Variants in ATP11B observed in about 807,000 individuals in gnomAD.
The protein encoded by ATP11B is ATPase phospholipid transporting 11B (putative), also known as phospholipid-transporting ATPase IF.
In ATP11B, 81 loss-of-function variants were observed where a neutral mutation model predicts 157.8. That is an observed-to-expected ratio of 0.51 (90% CI 0.43 to 0.62). The LOEUF (loss-of-function observed/expected upper bound fraction) is 0.62, where lower values mean the gene tolerates loss of function less well. ATP11B is among the 20% of genes least tolerant of loss of function. The pLI, the probability that ATP11B is intolerant of heterozygous loss-of-function variation, is 0.00. For synonymous variants in ATP11B, 451 were observed against 469.4 expected (o/e 0.96, Z 0.51); for missense variants, 1,165 against 1,402.2 (o/e 0.83, Z 2.70).
chr3:182,813,309 G>A (rs1716780648), intron 1 of ATP11B, among the ~76,000 whole-genome samples: 1 of 152,132 alleles, frequency 6.6e-6, no homozygotes, highest in African/African-American at 2.4e-5. Flanking sequence ...TTCCACAGTA[G>A]CTTCACCATT....
rs572306581 is a variant in ATP11B, at chr3:182,837,206, A to G, written c.656+32A>G. 7.7e-5 allele frequency: 111 copies of G among 1,448,276 alleles called. No individual in the cohort carries two copies. The South Asian group carries it at 1.3e-3, about 17-fold the overall frequency. 89.7% of individuals were successfully genotyped at this position (1,448,276 alleles called of 1,614,324 possible). A position where few individuals can be genotyped will look rare whatever the true frequency, so the allele number is the denominator to read the frequency against. ...TGTGATATTCAGTATACTTATTTTA[A>G]GTCCTATTTACAGACCTCATTTTTA... On this transcript the variant is annotated intron_variant, in intron 7 of 29. Transcript: ENST00000323116.
intron 28 of ATP11B, among the ~76,000 whole-genome samples, chr3:182,910,065 G>A (rs1221325713): frequency 1.5e-4 from 17 of 110,100 alleles, no homozygotes; most frequent in Admixed American, 3.2e-4. Context: ...AGTGAGACTC[G>A]GCCTCCAGAA....
intron 12 of ATP11B, among the ~76,000 whole-genome samples, chr3:182,860,857 C>G (rs144734458): frequency 0.01 from 1,544 of 151,966 alleles, 13 homozygotes; most frequent in Non-Finnish European, 0.014. Flanking sequence ...ATTCTTTTAC[C>G]TCCCCGAGGA....
At chr3:182,846,521 A>C (rs560787037) in intron 9 of ATP11B, among the ~76,000 whole-genome samples, 13 of 152,364 alleles carry the variant, frequency 8.5e-5, no homozygotes, top group African/African-American at 2.9e-4. Context: ...AACTTCTACA[A>C]GAATGTTCAT....
At chr3:182,900,506 T>C (rs1262503383) in intron 28 of ATP11B, among the ~76,000 whole-genome samples, 1 of 152,186 alleles carries the variant, frequency 6.6e-6, no homozygotes, top group Non-Finnish European at 1.5e-5. Context: ...TCCATGCGTA[T>C]ATATTTATAT....
chr3:182,805,847 T>G (rs766035412), intron 1 of ATP11B, among the ~76,000 whole-genome samples: 18 of 152,166 alleles, frequency 1.2e-4, no homozygotes, highest in Non-Finnish European at 2.6e-4. Context: ...TATAAGACCT[T>G]TATGAGATGT....
intron 4 of ATP11B, among the ~76,000 whole-genome samples, chr3:182,832,540 T>G (rs1279463312): frequency 6.6e-6 from 1 of 152,200 alleles, no homozygotes; most frequent in Non-Finnish European, 1.5e-5. Flanking sequence ...AAAGTGAAAG[T>G]TGCCATGTTC....
rs764077740 is a variant in ATP11B, at chr3:182,913,880, G to A, written c.3338G>A (p.Gly1113Asp). ...EKAQLTETNA[G>D]IKCLDSMCCF... is the part of the protein sequence containing the mutation. ...CCGCAGCTTACTGAAACAAATGCAG[G>A]TATCAAGTGCTTGGACTCCATGTGC... The change falls in exon 29 of 30, where the codon GGT becomes GAT. Residue 1113 changes from glycine (G) to aspartate (D), a missense_variant. By Grantham distance (94) the Gly-to-Asp change is moderately conservative. Coordinates refer to ENST00000323116, the MANE Select transcript of ATP11B (RefSeq NM_014616.3). 6.2e-7 allele frequency: 1 copy of A among 1,614,126 alleles called. No individual in the cohort carries two copies. The highest frequency in any genetic ancestry group is 8.5e-7 in the Non-Finnish European group (1 of 1,179,960).
At chr3:182,892,752 A>G (rs1723260316) in intron 25 of ATP11B, among the ~76,000 whole-genome samples, 2 of 152,098 alleles carry the variant, frequency 1.3e-5, no homozygotes, top group African/African-American at 4.8e-5. Flanking sequence ...GTCTTGATCA[A>G]TTTTCTCTAA....
chr3:182,853,482 T>C (rs1313032363), intron 10 of ATP11B, among the ~76,000 whole-genome samples: 2 of 152,176 alleles, frequency 1.3e-5, no homozygotes, highest in Non-Finnish European at 2.9e-5. Flanking sequence ...TGTGAGCCAC[T>C]GTGCCCGGCC....
intron 2 of ATP11B, 75 bp downstream of exon 2, chr3:182,820,451 A>T: frequency 6.1e-6 from 6 of 990,054 alleles, no homozygotes; most frequent in Middle Eastern, 2.1e-4. Flanking sequence ...TGGGAGGCCA[A>T]GGCGAGAGGA....
At chr3:182,795,076 C>A (rs1715517164) in intron 1 of ATP11B, among the ~76,000 whole-genome samples, 1 of 152,106 alleles carries the variant, frequency 6.6e-6, no homozygotes, top group Non-Finnish European at 1.5e-5. Flanking sequence ...CCTACCACTC[C>A]CTCCTACAAA....
chr3:182,915,490 C>T (rs1452579758), intron 29 of ATP11B: 3 of 984,364 alleles, frequency 3.0e-6, no homozygotes, highest in Non-Finnish European at 3.6e-6. Context: ...TACCTAATAA[C>T]ATAGCTTCAT....
chr3:182,838,126 G>T (rs1718697794), intron 7 of ATP11B, among the ~76,000 whole-genome samples: 1 of 151,850 alleles, frequency 6.6e-6, no homozygotes, highest in Admixed American at 6.6e-5. Context: ...TTATAATGGA[G>T]GTTTTCTCTA....
At chr3:182,825,696 C>T (rs1026360280) in intron 2 of ATP11B, among the ~76,000 whole-genome samples, 1 of 147,260 alleles carries the variant, frequency 6.8e-6, no homozygotes, top group Non-Finnish European at 1.5e-5. Context: ...GCACTCCAGC[C>T]TGGGTGACTG....
chr3:182,899,620 A>C (rs1468967527), intron 28 of ATP11B, among the ~76,000 whole-genome samples: 2 of 152,200 alleles, frequency 1.3e-5, no homozygotes, highest in Non-Finnish European at 2.9e-5. Context: ...CATAGTGCTT[A>C]AGAATCTTTG....
chr3:182,874,701 A>T (rs1375760040), intron 19 of ATP11B, among the ~76,000 whole-genome samples: 2 of 152,216 alleles, frequency 1.3e-5, no homozygotes, highest in Non-Finnish European at 2.9e-5. Context: ...ACATTAACAG[A>T]TGAACATTTG....
At chr3:182,914,968 G>A (rs1017669599) in intron 29 of ATP11B, 66 of 984,856 alleles carry the variant, frequency 6.7e-5, no homozygotes, top group Non-Finnish European at 7.7e-5. Flanking sequence ...TGTGCTACAT[G>A]AATATTAGCA....
At position 182,876,921 on chromosome 3, in the gene ATP11B, G is replaced by A. The variant is rs143747411; in HGVS notation, c.2253-2575G>A. On this transcript the variant is annotated intron_variant, in intron 19 of 29. Transcript: ENST00000323116. ...TCTTTTGATGGAATATATTTTATGA[G>A]ATAACCATAGAAGTCAATAGGCCCA... Among the ~76,000 whole-genome samples, 432 of 152,240 alleles carry A rather than the reference G, an allele frequency of 2.8e-3. 3 individuals are homozygous for A. The highest frequency in any genetic ancestry group is 0.01 in the Middle Eastern group (3 of 294).
Sources: gnomAD v4.1 joint callset for allele counts (sites outside exome capture counted in the v4.1 genomes callset) on GRCh38, gnomAD v4.1.1 for gene constraint, MANE v1.5 for transcripts, NCBI Gene and HGNC (gene_info 2026-07-23, HGNC 2026-07-21) for gene names.